The following SCN7A variants were observed in gnomAD, a reference collection of about 807,000 sequenced individuals.
The protein encoded by SCN7A is sodium channel protein type 7 subunit alpha.
SCN7A carries 138 observed loss-of-function variants against 155.2 expected under a neutral mutation model. The observed-to-expected ratio is 0.89, with a 90% confidence interval of 0.77 to 1.02. The LOEUF (loss-of-function observed/expected upper bound fraction) is 1.02. Among genes scored for constraint, SCN7A ranks in the 50% least tolerant of loss-of-function variants. SCN7A has a pLI of 0.00. For synonymous variants in SCN7A, 693 were observed against 649.0 expected (o/e 1.07, Z -1.03); for missense variants, 2,058 against 1,986.6 (o/e 1.04, Z -0.68).
At chr2:166,452,146 A>T (rs1282584825) in intron 11 of SCN7A, among the ~76,000 whole-genome samples, 1 of 152,064 alleles carries the variant, frequency 6.6e-6, no homozygotes, top group Non-Finnish European at 1.5e-5. Context: ...AGTTTTATCA[A>T]TTATCTTGTA....
intron 10 of SCN7A, chr2:166,461,837 C>T (rs1287405021): frequency 1.3e-5 from 2 of 152,484 alleles, no homozygotes; most frequent in Admixed American, 6.5e-5. Context: ...CACCTGTAAT[C>T]CCAGCTCTTT....
rs533645957 is a variant in SCN7A at position 166,416,878 on chromosome 2, A to G, written c.3243T>C (p.Ala1081=). Residue 1081 remains alanine (A), a synonymous_variant, in exon 21 of 26, where the codon GCT becomes GCC. Coordinates refer to ENST00000643258, the MANE Select transcript of SCN7A (RefSeq NM_002976.4). ...IFSIMGVDLF[A]GRFYECIDPT... is the part of the protein sequence containing the mutation. Reference sequence around the variant, plus strand: ...GGTCAATGCATTCATAGAATCTGCCAGCAAATAAGTCTACTCCCATGATAC... The same window carrying G: ...GGTCAATGCATTCATAGAATCTGCCGGCAAATAAGTCTACTCCCATGATAC... The G allele has an allele frequency of 1.2e-6, 2 of 1,613,590 alleles. No individual in the cohort carries two copies. Among genetic ancestry groups the G allele is most frequent in the Non-Finnish European group, 8.5e-7 (1 of 1,179,714 alleles).
At position 166,456,815 on chromosome 2, in the gene SCN7A, TATATATATATATATAGATAGATAG is replaced by T. The variant is rs1702287939; in HGVS notation, c.1290+31_1290+54del. 9 of 453,392 alleles carry T rather than the reference TATATATATATATATAGATAGATAG, an allele frequency of 2.0e-5. No individual in the cohort carries two copies. In the South Asian group the frequency reaches 2.9e-4, roughly 15 times the overall value. The allele number at this position is 453,392 out of a possible 1,614,324, so 28.1% of individuals were successfully genotyped here. On this transcript the variant is annotated intron_variant, in intron 11 of 25. Transcript: ENST00000643258. ...GTTTCAAGACTAAAATATATATATA[TATATATATATATATAGATAGATAG>T]ATAGATAGATAGATAGATAGATATA...
intron 15 of SCN7A, among the ~76,000 whole-genome samples, chr2:166,437,707 A>G (rs773571165): frequency 1.1e-4 from 17 of 152,194 alleles, no homozygotes; most frequent in Non-Finnish European, 2.1e-4. Context: ...CTCTTCCATC[A>G]GCATGCCCTG....
At chr2:166,418,286 T>TTTTTTTTTTC (rs1701434325) in intron 20 of SCN7A, among the ~76,000 whole-genome samples, 3 of 107,906 alleles carry the variant, frequency 2.8e-5, no homozygotes, top group African/African-American at 1.0e-4. Context: ...CCGCCAGGCT[T>TTTTTTTTTTC]TTTTTTTTTT....
intron 9 of SCN7A, among the ~76,000 whole-genome samples, chr2:166,464,209 T>TAC (rs1395832214): frequency 6.6e-6 from 1 of 151,660 alleles, no homozygotes; most frequent in Non-Finnish European, 1.5e-5. Context: ...TGTATATATA[T>TAC]ACACACATAC....
In SCN7A at chr2:166,458,171, C is replaced by CA. The variant is rs567047438; in HGVS notation, c.1084-1096dup. Among the ~76,000 whole-genome samples the CA allele has an allele frequency of 1.6e-3, 245 of 151,136 alleles. 1 individual carries two copies. The highest frequency in any genetic ancestry group is 4.9e-3 in the African/African-American group (204 of 41,240). Reference sequence around the variant, plus strand: ...GCAAATCCCATCTCTACTAAAAATACAAAAAAAATAGCTGGATGTGGTGGC... The same window carrying CA: ...GCAAATCCCATCTCTACTAAAAATACAAAAAAAAATAGCTGGATGTGGTGGC... On this transcript the variant is annotated intron_variant, in intron 10 of 25. Coordinates refer to ENST00000643258, the MANE Select transcript of SCN7A (RefSeq NM_002976.4).
chr2:166,412,468 T>C (rs184981530), intron 23 of SCN7A, 62 bp downstream of exon 23: 2 of 1,310,024 alleles, frequency 1.5e-6, no homozygotes, highest in East Asian at 6.2e-5. Context: ...AGGGCATTTA[T>C]ATATTTATGT....
chr2:166,413,006 C>T lies in SCN7A; in HGVS notation c.3468+62G>A, dbSNP rs1275944311. The T allele has an allele frequency of 6.7e-6, 8 of 1,197,684 alleles. No individual in the cohort carries two copies. The East Asian group carries it at 1.0e-4, about 15-fold the overall frequency. The allele number at this position is 1,197,684 out of a possible 1,614,324, so 74.2% of individuals were successfully genotyped here. ...TTCATTATTACTGGTGTCCTGTGCT[C>T]GAATTGCAAAAATGACTTTGCTTGT... On this transcript the variant is annotated intron_variant, in intron 22 of 25. Coordinates refer to ENST00000643258, the MANE Select transcript of SCN7A (RefSeq NM_002976.4).
Position 166,423,430 on chromosome 2 carries a change from A to G in SCN7A, c.2856T>C (p.Ala952=), listed in dbSNP as rs1322501944. The stretch of plus-strand genomic sequence containing the variant: ...TCTGATCCATATATATATCTTCAAA[A>G]GCCTGTGGGTAAAAATAAAAAAATA... The part of the protein sequence containing the change: ...LVTLLSTGTL[A]FEDIYMDQRK... The change falls in exon 19 of 26, where the codon GCT becomes GCC. Residue 952 remains alanine (A), a splice_region_variant and synonymous_variant. Coordinates refer to ENST00000643258, the MANE Select transcript of SCN7A (RefSeq NM_002976.4). The G allele has an allele frequency of 1.3e-6, 2 of 1,536,528 alleles. No homozygotes were observed. The highest frequency in any genetic ancestry group is 2.8e-5 in the African/African-American group (2 of 70,762).
Position 166,477,490 on chromosome 2 carries a change from C to T in SCN7A, c.207G>A (p.Val69=). ...QGMVSEPLED[V]DPYYYKKKNT... Reference sequence around the variant, plus strand: ...TTTTTTTCTTGTAGTAATATGGGTCCACATCTTCCAAGGGCTCTGACACCA... The same window carrying T: ...TTTTTTTCTTGTAGTAATATGGGTCTACATCTTCCAAGGGCTCTGACACCA... The change falls in exon 3 of 26, where the codon GTG becomes GTA. Residue 69 remains valine (V), a synonymous_variant. Coordinates refer to ENST00000643258, the MANE Select transcript of SCN7A (RefSeq NM_002976.4). The T allele has an allele frequency of 6.5e-7, 1 of 1,546,112 alleles. No homozygotes were observed. Among genetic ancestry groups the T allele is most frequent in the South Asian group, 1.2e-5 (1 of 82,910 alleles).
Position 166,406,389 on chromosome 2 carries a change from C to G in SCN7A, c.4240G>C (p.Val1414Leu). Residue 1414 changes from valine (V) to leucine (L), a missense_variant, in exon 26 of 26, where the codon GTG becomes CTG. Val to Leu is a conservative substitution (Grantham distance 32). Coordinates refer to ENST00000643258, the MANE Select transcript of SCN7A (RefSeq NM_002976.4). ...YVKKEAGIND[V>L]SNFETFGNSM... ...TTGCCAAAGGTTTCAAAATTAGACA[C>G]ATCATTAATTCCAGCTTCTTTTTTA... 1 of 1,613,014 alleles carries G rather than the reference C, an allele frequency of 6.2e-7. No individual in the cohort carries two copies. Among genetic ancestry groups the G allele is most frequent in the South Asian group, 1.1e-5 (1 of 91,044 alleles).
intron 1 of SCN7A, among the ~76,000 whole-genome samples, chr2:166,492,060 T>C (rs1683122636): frequency 1.3e-5 from 2 of 152,058 alleles, no homozygotes; most frequent in Admixed American, 1.3e-4. Context: ...CAGGTATTTA[T>C]CCTACTTTGG....
At chr2:166,475,559 T>G (rs1020545498) in intron 3 of SCN7A, among the ~76,000 whole-genome samples, 2 of 151,762 alleles carry the variant, frequency 1.3e-5, no homozygotes, top group African/African-American at 4.8e-5. Flanking sequence ...CTATTTTCCC[T>G]CTATTTTAAA....
At chr2:166,410,519 T>C (rs1393912789) in intron 23 of SCN7A, among the ~76,000 whole-genome samples, 195 bp from the exon 24 acceptor site, 2 of 152,004 alleles carry the variant, frequency 1.3e-5, no homozygotes, top group Non-Finnish European at 2.9e-5. Context: ...ACAGAATACA[T>C]GCTGATAGTG....
At chr2:166,472,241 A>G in intron 6 of SCN7A, 76 bp downstream of exon 6, 2 of 1,403,898 alleles carry the variant, frequency 1.4e-6, no homozygotes, top group Non-Finnish European at 1.9e-6. Context: ...AAATCTTTGC[A>G]GACGTCAATT....
Position 166,409,831 on chromosome 2 carries a change from A to G in SCN7A, c.3816T>C (p.Thr1272=). ...CFQAIAMMID[T]DVQSLQMSIA... ...TGGACATTTGTAGACTCTGAACATC[A>G]GTGTCTATCATCATGGCTATTGCTT... is the stretch of plus-strand genomic sequence containing the variant. The change falls in exon 25 of 26, where the codon ACT becomes ACC. Residue 1272 remains threonine (T), a synonymous_variant. Coordinates refer to ENST00000643258, the MANE Select transcript of SCN7A (RefSeq NM_002976.4). 6.4e-7 allele frequency: 1 copy of G among 1,572,708 alleles called. No individual in the cohort carries two copies. Among genetic ancestry groups the G allele is most frequent in the Non-Finnish European group, 8.6e-7 (1 of 1,156,662 alleles).
At chr2:166,423,940 G>A (rs1701566244) in intron 18 of SCN7A, among the ~76,000 whole-genome samples, 1 of 152,054 alleles carries the variant, frequency 6.6e-6, no homozygotes, top group African/African-American at 2.4e-5. Flanking sequence ...TTTCTCCAAA[G>A]CTTCTCAGTT....
At chr2:166,424,620 T>C (rs1701583325) in intron 18 of SCN7A, among the ~76,000 whole-genome samples, 1 of 152,054 alleles carries the variant, frequency 6.6e-6, no homozygotes, top group African/African-American at 2.4e-5. Flanking sequence ...TATACATCTG[T>C]ATGTCCAAAA....
Sources: allele counts gnomAD v4.1 joint callset (sites outside exome capture counted in the v4.1 genomes callset), GRCh38; gene constraint gnomAD v4.1.1; transcripts MANE v1.5; gene names NCBI Gene and HGNC (gene_info 2026-07-23, HGNC 2026-07-21).